CFAP54: variants seen among roughly 807,000 people sequenced by gnomAD.
The protein encoded by CFAP54 is cilia and flagella associated protein 54.
Under a neutral mutation model 370.4 loss-of-function variants are expected in CFAP54, and 290 were observed. The ratio of observed to expected loss-of-function variants is 0.78; its 90% CI spans 0.71 to 0.86. The LOEUF is 0.86. Ranked by LOEUF, CFAP54 falls within the 40% of genes least tolerant of loss-of-function variation. The pLI is 0.00. For synonymous variants in CFAP54, 1,206 were observed against 1,236.5 expected (o/e 0.98, Z 0.52); for missense variants, 3,399 against 3,528.7 (o/e 0.96, Z 0.93).
chr12:96,635,366 C>A (rs1005284122), intron 32 of CFAP54, among the ~76,000 whole-genome samples: 1 of 151,834 alleles, frequency 6.6e-6, no homozygotes, highest in Non-Finnish European at 1.5e-5. Flanking sequence ...TTAATATGAT[C>A]GTGCGATAAA....
rs1956024535 is a variant in CFAP54, at chr12:96,580,666, C to A, written c.2866C>A (p.His956Asn). 5.9e-6 allele frequency: 9 copies of A among 1,525,660 alleles called. No homozygotes were observed. The highest frequency in any genetic ancestry group is 7.0e-6 in the Non-Finnish European group (8 of 1,140,716). 94.5% of individuals were successfully genotyped at this position (1,525,660 alleles called of 1,614,324 possible). The change falls in exon 21 of 68, where the codon CAT becomes AAT. Residue 956 changes from histidine (H) to asparagine (N), a missense_variant. Transcript: ENST00000524981. ...TGGAAAAGTACGGCTAAACAATAATCATCTCCCAAATTCAGGAGAAGCGGT... is the reference window on the plus strand; with the variant it reads ...TGGAAAAGTACGGCTAAACAATAATAATCTCCCAAATTCAGGAGAAGCGGT... ...SYGKVRLNNN[H>N]LPNSGEAIPA... is the part of the protein sequence containing the mutation.
chr12:96,553,531 TATATATATATA>T (rs1955719660), intron 15 of CFAP54, among the ~76,000 whole-genome samples: 1 of 136,310 alleles, frequency 7.3e-6, no homozygotes, highest in Non-Finnish European at 1.6e-5. Flanking sequence ...TATATAGTTA[TATATATATATA>T]GTAATATATG....
At chr12:96,606,124 A>T (rs1024138043) in intron 26 of CFAP54, among the ~76,000 whole-genome samples, 1 of 152,236 alleles carries the variant, frequency 6.6e-6, no homozygotes, top group African/African-American at 2.4e-5. Context: ...CAAAAAGAAA[A>T]GCATTTAAAG....
chr12:96,736,301 A>T (rs1211064492), intron 50 of CFAP54, among the ~76,000 whole-genome samples: 3 of 152,120 alleles, frequency 2.0e-5, no homozygotes, highest in Non-Finnish European at 2.9e-5. Context: ...CTGCCACTAG[A>T]TCAAGACTTC....
chr12:96,734,626 A>G (rs1957959281), intron 50 of CFAP54, among the ~76,000 whole-genome samples: 1 of 152,206 alleles, frequency 6.6e-6, no homozygotes, highest in Non-Finnish European at 1.5e-5. Flanking sequence ...CACAGTTAAT[A>G]TATGGGAAAA....
chr12:96,779,770 A>T (rs1350761885), intron 60 of CFAP54, among the ~76,000 whole-genome samples: 7 of 151,460 alleles, frequency 4.6e-5, no homozygotes, highest in African/African-American at 1.5e-4. Context: ...AAAGAAAGTT[A>T]CTTGAGAATG....
At chr12:96,613,978 A>G (rs1033866707) in intron 26 of CFAP54, among the ~76,000 whole-genome samples, 1 of 152,194 alleles carries the variant, frequency 6.6e-6, no homozygotes, top group African/African-American at 2.4e-5. Context: ...ATTCCAATCA[A>G]TAGAAAAAGA....
intron 4 of CFAP54, among the ~76,000 whole-genome samples, chr12:96,511,024 G>A (rs1180397201): frequency 6.6e-6 from 1 of 151,616 alleles, no homozygotes; most frequent in African/African-American, 2.4e-5. Flanking sequence ...AAGCCTCGTT[G>A]AGATAAGTCT....
intron 48 of CFAP54, 85 bp from the exon 49 acceptor site, chr12:96,718,358 C>CAAAAT: frequency 2.7e-6 from 2 of 741,700 alleles, no homozygotes; most frequent in Admixed American, 2.1e-5. Flanking sequence ...GACCCTGTCT[C>CAAAAT]AAAATAAAAT....
intron 31 of CFAP54, 113 bp downstream of exon 31, chr12:96,630,317 A>G (rs1001296634): frequency 3.3e-5 from 20 of 597,570 alleles, no homozygotes; most frequent in African/African-American, 2.8e-4. Flanking sequence ...GGATATACTA[A>G]CAAGCATAAT....
chr12:96,787,511 T>C (rs570703901), intron 62 of CFAP54, among the ~76,000 whole-genome samples: 2 of 152,214 alleles, frequency 1.3e-5, no homozygotes, highest in South Asian at 2.1e-4. Context: ...TTAAAGCTAC[T>C]AAAGTCTTGA....
chr12:96,586,074 A>G (rs1478097442), intron 22 of CFAP54, among the ~76,000 whole-genome samples: 3 of 152,174 alleles, frequency 2.0e-5, no homozygotes, highest in Admixed American at 2.0e-4. Flanking sequence ...AATTCACTCA[A>G]CACATTATTT....
intron 26 of CFAP54, among the ~76,000 whole-genome samples, chr12:96,603,754 T>C (rs546677429): frequency 4.3e-4 from 65 of 152,332 alleles, no homozygotes; most frequent in African/African-American, 1.6e-3. Context: ...AATCGGCTAC[T>C]GAAGCTTTTT....
intron 26 of CFAP54, among the ~76,000 whole-genome samples, chr12:96,604,241 G>T (rs1277344923): frequency 6.6e-6 from 1 of 152,170 alleles, no homozygotes; most frequent in South Asian, 2.1e-4. Context: ...TTTGCTGGAG[G>T]TCCACTCCAG....
intron 23 of CFAP54, among the ~76,000 whole-genome samples, chr12:96,590,989 A>G (rs1175191977): frequency 6.6e-6 from 1 of 152,194 alleles, no homozygotes; most frequent in African/African-American, 2.4e-5. Flanking sequence ...TCTCCCAGGA[A>G]ACGACTGTTT....
chr12:96,815,299 T>A (rs11108704), intron 64 of CFAP54, among the ~76,000 whole-genome samples: 50,923 of 152,094 alleles, frequency 0.33, 8,809 homozygotes, highest in South Asian at 0.54. Context: ...ATTTCTCTAA[T>A]GACCAGTGAT....
chr12:96,585,674 G>A (rs1956070801), intron 22 of CFAP54, among the ~76,000 whole-genome samples: 1 of 152,094 alleles, frequency 6.6e-6, no homozygotes, highest in Non-Finnish European at 1.5e-5. Context: ...CCACATCTGG[G>A]CAGGATGATA....
chr12:96,559,559 G>A (rs1053443229), intron 17 of CFAP54, among the ~76,000 whole-genome samples: 1 of 151,974 alleles, frequency 6.6e-6, no homozygotes, highest in African/African-American at 2.4e-5. Context: ...CACGTTTACT[G>A]TCTTTCTCTT....
chr12:96,612,797 G>A (rs1956373628), intron 26 of CFAP54, among the ~76,000 whole-genome samples: 1 of 152,120 alleles, frequency 6.6e-6, no homozygotes, highest in Admixed American at 6.5e-5. Flanking sequence ...ATGGTAAAGG[G>A]ATCAATTAAA....
Sources: gnomAD v4.1 joint callset for allele counts (sites outside exome capture counted in the v4.1 genomes callset) on GRCh38, gnomAD v4.1.1 for gene constraint, MANE v1.5 for transcripts, NCBI Gene and HGNC (gene_info 2026-07-23, HGNC 2026-07-21) for gene names.